CALN1: variants seen among roughly 807,000 people sequenced by gnomAD.
CALN1 encodes the protein calneuron 1, also known as calcium-binding protein 8.
CALN1 carries 17 observed loss-of-function variants against 30.6 expected under a neutral mutation model. That is an observed-to-expected ratio of 0.56 (90% CI 0.38 to 0.83). The LOEUF (loss-of-function observed/expected upper bound fraction) is 0.83, where lower values mean the gene tolerates loss of function less well. CALN1 is among the 40% of genes least tolerant of loss of function. CALN1 has a pLI of 0.00. For missense variants in CALN1, 291 were observed against 354.9 expected (o/e 0.82, Z 1.45); for synonymous variants, 156 against 131.4 (o/e 1.19, Z -1.28).
intron 5 of CALN1, among the ~76,000 whole-genome samples, chr7:72,001,745 T>C (rs572982466): frequency 6.6e-6 from 1 of 152,350 alleles, no homozygotes; most frequent in Admixed American, 6.5e-5. Context: ...GGTTGAATTC[T>C]TTCTTCTGAG....
At position 71,931,851 on chromosome 7, in the gene CALN1, A is replaced by T. The variant is rs1340943997; in HGVS notation, c.501+91806T>A. ...TCTTCCCAAAGTGTAGAGGAGCCCAAAACTCATTTCTTAGACTTCTTTGCA... is the reference window on the plus strand; with the variant it reads ...TCTTCCCAAAGTGTAGAGGAGCCCATAACTCATTTCTTAGACTTCTTTGCA... On this transcript the variant is annotated intron_variant, in intron 5 of 6. Coordinates refer to ENST00000395275, the MANE Select transcript of CALN1 (RefSeq NM_031468.4). 5.4e-5 allele frequency among the ~76,000 whole-genome samples: 8 copies of T among 148,088 alleles called. No homozygotes were observed. In the Admixed American group the frequency reaches 5.5e-4, roughly 10 times the overall value.
the CALN1 span, among the ~76,000 whole-genome samples, chr7:72,461,289 A>AC: frequency 1.2e-4 from 18 of 152,332 alleles, no homozygotes; most frequent in Non-Finnish European, 2.1e-4. Flanking sequence ...CTACCACCAA[A>AC]CCCAATCCCA....
intron 2 of CALN1, among the ~76,000 whole-genome samples, chr7:72,402,014 G>A (rs1197664053): frequency 6.6e-6 from 1 of 152,212 alleles, no homozygotes; most frequent in African/African-American, 2.4e-5. Context: ...GAAGGGATGA[G>A]CTGGGATGGG....
chr7:72,214,063 A>C (rs965571065), intron 3 of CALN1, among the ~76,000 whole-genome samples: 1 of 152,230 alleles, frequency 6.6e-6, no homozygotes, highest in African/African-American at 2.4e-5. Context: ...AAGTGCACCA[A>C]TCTGGGCAGA....
intron 5 of CALN1, among the ~76,000 whole-genome samples, chr7:71,955,949 C>T (rs565785489): frequency 1.3e-5 from 2 of 151,678 alleles, no homozygotes; most frequent in African/African-American, 4.8e-5. Context: ...CACTGAAAGC[C>T]CCCAACCGAG....
chr7:72,424,021 G>A (rs1046533342), intron 1 of CALN1, among the ~76,000 whole-genome samples: 1 of 148,320 alleles, frequency 6.7e-6, no homozygotes, highest in Non-Finnish European at 1.5e-5. Context: ...GAGGGAGGGA[G>A]GAGGGGAAGG....
At chr7:71,888,649 T>A (rs116158428) in intron 5 of CALN1, among the ~76,000 whole-genome samples, 4 of 152,020 alleles carry the variant, frequency 2.6e-5, no homozygotes. Context: ...ACAGAAAGCA[T>A]ATGGCAATAG....
intron 1 of CALN1, among the ~76,000 whole-genome samples, chr7:72,436,204 A>T (rs1167606793): frequency 1.3e-5 from 2 of 152,198 alleles, no homozygotes; most frequent in African/African-American, 4.8e-5. Context: ...CTCATCTTGA[A>T]TTGTAGCCAT....
At chr7:72,472,697 G>A in the CALN1 span, among the ~76,000 whole-genome samples, 1 of 152,138 alleles carries the variant, frequency 6.6e-6, no homozygotes, top group Non-Finnish European at 1.5e-5. Flanking sequence ...CAGGAGAACT[G>A]CTTGAATCCG....
intron 2 of CALN1, among the ~76,000 whole-genome samples, chr7:72,351,595 T>C (rs958029406): frequency 3.9e-5 from 6 of 152,192 alleles, no homozygotes; most frequent in Non-Finnish European, 8.8e-5. Flanking sequence ...TATTAAAAGA[T>C]AGTCAATTTA....
At chr7:72,318,146 C>T (rs117439342) in intron 2 of CALN1, among the ~76,000 whole-genome samples, 1,554 of 152,194 alleles carry the variant, frequency 0.01, 26 homozygotes, top group Middle Eastern at 0.024. Flanking sequence ...GACTCTACAA[C>T]GTGAATTATT....
intron 2 of CALN1, among the ~76,000 whole-genome samples, chr7:72,368,131 A>G (rs1325518749): frequency 2.6e-5 from 4 of 151,634 alleles, no homozygotes; most frequent in Non-Finnish European, 4.4e-5. Flanking sequence ...CAAAAAATAC[A>G]TATCTGTATC....
the CALN1 span, among the ~76,000 whole-genome samples, chr7:72,473,188 C>T: frequency 1.3e-5 from 2 of 151,636 alleles, no homozygotes; most frequent in Non-Finnish European, 2.9e-5. Context: ...TGGATTCAAG[C>T]GATCCACCCA....
chr7:72,346,821 T>C (rs1338374815), intron 2 of CALN1, among the ~76,000 whole-genome samples: 2 of 152,154 alleles, frequency 1.3e-5, no homozygotes, highest in Non-Finnish European at 2.9e-5. Context: ...GGCCAAAATT[T>C]GTTTATTTTT....
At chr7:71,903,981 A>C (rs561464419) in intron 5 of CALN1, among the ~76,000 whole-genome samples, 9 of 152,362 alleles carry the variant, frequency 5.9e-5, no homozygotes, top group Non-Finnish European at 1.0e-4. Flanking sequence ...GGGACATGCA[A>C]ATCAAAACTG....
At chr7:72,451,209 A>AAGAAGGAGGAGGAGG (rs747175718), upstream of CALN1, among the ~76,000 whole-genome samples, 5 of 126,054 alleles carry the variant, frequency 4.0e-5, no homozygotes, top group African/African-American at 1.5e-4. Context: ...GAAGAAGAAG[A>AAGAAGGAGGAGGAGG]AGGAGGAGGA....
At chr7:72,378,561 A>G (rs988766722) in intron 2 of CALN1, among the ~76,000 whole-genome samples, 1 of 152,194 alleles carries the variant, frequency 6.6e-6, no homozygotes, top group Non-Finnish European at 1.5e-5. Flanking sequence ...AGTAGAATGT[A>G]AAAATCTTAC....
At chr7:72,227,132 C>T (rs1456853596) in intron 3 of CALN1, among the ~76,000 whole-genome samples, 1 of 151,850 alleles carries the variant, frequency 6.6e-6, no homozygotes, top group East Asian at 1.9e-4. Context: ...GTACTGTGCT[C>T]GCTACCTGGG....
intron 5 of CALN1, among the ~76,000 whole-genome samples, chr7:71,890,903 C>T (rs546351300): frequency 3.3e-5 from 5 of 152,114 alleles, no homozygotes; most frequent in East Asian, 3.9e-4. Flanking sequence ...TGCACCACCA[C>T]GCCCAGCTCA....
Sources: gnomAD v4.1 joint callset for allele counts (sites outside exome capture counted in the v4.1 genomes callset) on GRCh38, gnomAD v4.1.1 for gene constraint, MANE v1.5 for transcripts, NCBI Gene and HGNC (gene_info 2026-07-23, HGNC 2026-07-21) for gene names.